UBXN8: variants seen among roughly 807,000 people sequenced by gnomAD.
The protein encoded by UBXN8 is UBX domain-containing protein 8.
UBXN8 carries 27 observed loss-of-function variants against 32.1 expected under a neutral mutation model. The observed-to-expected ratio is 0.84, with a 90% confidence interval of 0.62 to 1.16. The LOEUF (loss-of-function observed/expected upper bound fraction) is 1.16. UBXN8 is among the 50% of genes most tolerant of loss of function. The pLI, the probability that UBXN8 is intolerant of heterozygous loss-of-function variation, is 0.00. For missense variants in UBXN8, 306 were observed against 311.4 expected, an observed-to-expected ratio of 0.98 and a Z score of 0.13; for synonymous variants, 109 against 111.8, an observed-to-expected ratio of 0.98 and a Z score of 0.16.
intron 6 of UBXN8, 82 bp from the exon 7 acceptor site, chr8:30,763,191 T>A: frequency 1.5e-6 from 2 of 1,372,334 alleles, no homozygotes; most frequent in Non-Finnish European, 2.1e-6. Flanking sequence ...AAGTCCTTTT[T>A]AGCTGCTTAG....
intron 1 of UBXN8, among the ~76,000 whole-genome samples, chr8:30,749,405 T>TAATA (rs1563560140): frequency 4.0e-4 from 54 of 136,336 alleles, no homozygotes; most frequent in Non-Finnish European, 9.4e-5. Context: ...AAAAAAAAAA[T>TAATA]AAAATAAATA....
chr8:30,766,398 A>G lies in UBXN8; in HGVS notation c.*4A>G, dbSNP rs948330857. ...GGAGAAGGAGCAGACCAACTAGGAA[A>G]GAAGGGAGAGCTCCCTGTTTGCATG... is the stretch of plus-strand genomic sequence containing the variant. On this transcript the variant is annotated 3_prime_UTR_variant, in exon 8 of 8. Transcript: ENST00000265616. 3 of 1,589,134 alleles carry G rather than the reference A, an allele frequency of 1.9e-6. No homozygotes were observed. The African/African-American group carries it at 4.0e-5, about 21-fold the overall frequency.
At chr8:30,743,160 T>A (rs904275668), upstream of UBXN8, among the ~76,000 whole-genome samples, 1 of 230 alleles carries the variant, frequency 4.3e-3, no homozygotes. Context: ...CTTTCTTTCT[T>A]TTTTTTTTTT....
chr8:30,751,809 A>G (rs945675488), intron 2 of UBXN8, among the ~76,000 whole-genome samples: 15 of 152,078 alleles, frequency 9.9e-5, no homozygotes, highest in African/African-American at 3.6e-4. Flanking sequence ...CCCTAATTTT[A>G]AATTGTGTGT....
chr8:30,751,785 TTA>T (rs1386913743), intron 2 of UBXN8, among the ~76,000 whole-genome samples: 1 of 152,198 alleles, frequency 6.6e-6, no homozygotes, highest in Non-Finnish European at 1.5e-5. Flanking sequence ...TTCTAAGTTG[TTA>T]TATGGTAAAT....
rs1563562530 is a variant in UBXN8 at position 30,754,713 on chromosome 8, T to C, written c.331T>C (p.Leu111=). The stretch of plus-strand genomic sequence containing the variant: ...TTTAAAACCTCACCAGGAAATGAAA[T>C]TGAGAAAACTGGAGGAGCGCTTTTA... ...NVLKPHQEMK[L]RKLEERFYQM... Residue 111 remains leucine (L), a synonymous_variant, in exon 4 of 8, where the codon TTG becomes CTG. Coordinates refer to ENST00000265616, the MANE Select transcript of UBXN8 (RefSeq NM_005671.4). 6.4e-7 allele frequency: 1 copy of C among 1,562,294 alleles called. No individual in the cohort carries two copies. Among genetic ancestry groups the C allele is most frequent in the Non-Finnish European group, 8.6e-7 (1 of 1,164,552 alleles).
intron 2 of UBXN8, among the ~76,000 whole-genome samples, chr8:30,752,394 TCC>T (rs1805541279): frequency 6.6e-6 from 1 of 152,026 alleles, no homozygotes; most frequent in Non-Finnish European, 1.5e-5. Flanking sequence ...TGCAACCTCC[TCC>T]TCCCAGGCTC....
rs111504298 is a variant in UBXN8 at position 30,746,622 on chromosome 8, C to A, written c.88+2345C>A. ...ACTGCAACTTCCGCCTTCTGGGTTCCAGCGATTCTCCTGCCTTAGCCTCCT... is the reference window on the plus strand; with the variant it reads ...ACTGCAACTTCCGCCTTCTGGGTTCAAGCGATTCTCCTGCCTTAGCCTCCT... On this transcript the variant is annotated intron_variant, in intron 1 of 7. Coordinates refer to ENST00000265616, the MANE Select transcript of UBXN8 (RefSeq NM_005671.4). 1.5e-5 allele frequency among the ~76,000 whole-genome samples: 2 copies of A among 136,676 alleles called. 1 individual carries two copies. Among genetic ancestry groups the A allele is most frequent in the African/African-American group, 5.8e-5 (2 of 34,642 alleles). The allele number at this position is 136,676 out of a possible 152,430, so 89.7% of individuals were successfully genotyped here. A position where few individuals can be genotyped will look rare whatever the true frequency, so the allele number is the denominator to read the frequency against.
chr8:30,747,308 T>TG (rs1563559210), intron 1 of UBXN8, among the ~76,000 whole-genome samples: 1 of 3,646 alleles, frequency 2.7e-4, no homozygotes, highest in East Asian at 0.017. Flanking sequence ...CTCAGTGGTG[T>TG]TTTTTTTTTT....
At chr8:30,757,585 G>T (rs190539599) in intron 5 of UBXN8, among the ~76,000 whole-genome samples, 1 of 151,512 alleles carries the variant, frequency 6.6e-6, no homozygotes, top group Non-Finnish European at 1.5e-5. Flanking sequence ...AAAGGGCTGG[G>T]CATGGTGGCT....
At chr8:30,738,021 C>T (rs568733742) in intron 1 of UBXN8, among the ~76,000 whole-genome samples, 38 of 150,462 alleles carry the variant, frequency 2.5e-4, no homozygotes, top group South Asian at 1.5e-3. Flanking sequence ...CACTTTGGGA[C>T]GCCAAGGTGG....
chr8:30,739,762 T>C (rs1805156423), upstream of UBXN8, among the ~76,000 whole-genome samples: 1 of 152,164 alleles, frequency 6.6e-6, no homozygotes, highest in Non-Finnish European at 1.5e-5. Context: ...AATTATCTCA[T>C]AAAATGTTTA....
chr8:30,731,314 G>A (rs749595119), upstream of UBXN8, among the ~76,000 whole-genome samples: 12 of 152,106 alleles, frequency 7.9e-5, no homozygotes, highest in East Asian at 7.7e-4. Flanking sequence ...CTGAACATTC[G>A]GTAGTAACCG....
chr8:30,757,580 G>A (rs1586102170), intron 5 of UBXN8, among the ~76,000 whole-genome samples: 1 of 149,916 alleles, frequency 6.7e-6, no homozygotes, highest in Non-Finnish European at 1.5e-5. Flanking sequence ...AACAAAAAGG[G>A]CTGGGCATGG....
chr8:30,757,006 C>A lies in UBXN8; in HGVS notation c.528+119C>A, dbSNP rs1805681488. 2.1e-6 allele frequency: 3 copies of A among 1,415,700 alleles called. No individual in the cohort carries two copies. In the African/African-American group the frequency reaches 4.3e-5, roughly 20 times the overall value. The allele number at this position is 1,415,700 out of a possible 1,614,324, so 87.7% of individuals were successfully genotyped here. A position where few individuals can be genotyped will look rare whatever the true frequency, so the allele number is the denominator to read the frequency against. ...TGGCCTTTCATCCAGATGGTGTCTT[C>A]CCACTGCCTTACAAAGCAATCACCC... On this transcript the variant is annotated intron_variant, in intron 5 of 7. Transcript: ENST00000265616.
At chr8:30,757,019 A>C in intron 5 of UBXN8, 132 bp downstream of exon 5, 1 of 1,363,586 alleles carries the variant, frequency 7.3e-7, no homozygotes, top group Admixed American at 2.4e-5. Flanking sequence ...ACTGCCTTAC[A>C]AAGCAATCAC....
intron 1 of UBXN8, among the ~76,000 whole-genome samples, chr8:30,751,195 G>A (rs1805513551): frequency 6.6e-6 from 1 of 152,128 alleles, no homozygotes; most frequent in Non-Finnish European, 1.5e-5. Context: ...CTTCTAATGT[G>A]TTATAATTTA....
At chr8:30,761,726 A>T (rs960815971) in intron 6 of UBXN8, among the ~76,000 whole-genome samples, 3 of 151,968 alleles carry the variant, frequency 2.0e-5, no homozygotes, top group African/African-American at 7.2e-5. Context: ...GAAAAAAAAA[A>T]GGAAAAAAAA....
chr8:30,751,261 C>G, intron 1 of UBXN8, 135 bp from the exon 2 acceptor site: 1 of 667,588 alleles, frequency 1.5e-6, no homozygotes, highest in Non-Finnish European at 2.5e-6. Flanking sequence ...TGCCTATAAT[C>G]CTAGCACTTT....
Sources: allele counts gnomAD v4.1 joint callset (sites outside exome capture counted in the v4.1 genomes callset), GRCh38; gene constraint gnomAD v4.1.1; transcripts MANE v1.5; gene names NCBI Gene and HGNC (gene_info 2026-07-23, HGNC 2026-07-21).